Variants in SLC5A8 observed in about 807,000 individuals in gnomAD.
SLC5A8 encodes the protein sodium-coupled monocarboxylate transporter 1.
Under a neutral mutation model 71.9 loss-of-function variants are expected in SLC5A8, and 55 were observed. The ratio of observed to expected loss-of-function variants is 0.77; its 90% CI spans 0.62 to 0.96. The LOEUF is 0.96. Among genes scored for constraint, SLC5A8 ranks in the 40% least tolerant of loss-of-function variants. The probability of loss-of-function intolerance (pLI) is 0.00; values close to 1 mark genes in which losing one functional copy is unlikely to be tolerated. For missense variants in SLC5A8, 701 were observed against 745.3 expected (o/e 0.94, Z 0.69); for synonymous variants, 307 against 276.1 (o/e 1.11, Z -1.11).
chr12:101,162,381 C>A (rs950498877), intron 12 of SLC5A8, among the ~76,000 whole-genome samples: 1 of 152,180 alleles, frequency 6.6e-6, no homozygotes, highest in African/African-American at 2.4e-5. Context: ...ACCCAGCAAT[C>A]CCACTACTGG....
At chr12:101,182,571 T>C (rs1868413560) in intron 9 of SLC5A8, among the ~76,000 whole-genome samples, 1 of 152,220 alleles carries the variant, frequency 6.6e-6, no homozygotes, top group South Asian at 2.1e-4. Flanking sequence ...TCCTTTGTGG[T>C]TCACTGACAA....
In SLC5A8 at chr12:101,209,735, G is replaced by A. The variant is rs1405168621; in HGVS notation, c.114C>T (p.Gly38=). The A allele has an allele frequency of 2.5e-6, 4 of 1,612,582 alleles. No individual in the cohort carries two copies. Among genetic ancestry groups the A allele is most frequent in the East Asian group, 2.2e-5 (1 of 44,864 alleles). ...TCAGGAAGTCCTTGGAGGTCTGCTGGCCGCCCCCAGCGAAGGCGTAGTAGA... is the reference window on the plus strand; with the variant it reads ...TCAGGAAGTCCTTGGAGGTCTGCTGACCGCCCCCAGCGAAGGCGTAGTAGA... The part of the protein sequence containing the change: ...IGIYYAFAGG[G]QQTSKDFLMG... Residue 38 remains glycine (G), a synonymous_variant, in exon 1 of 15, where the codon GGC becomes GGT. Transcript: ENST00000536262.
chr12:101,161,916 G>A, intron 13 of SLC5A8, 58 bp downstream of exon 13: 1 of 1,176,406 alleles, frequency 8.5e-7, no homozygotes, highest in Non-Finnish European at 1.3e-6. Flanking sequence ...CTATAAAACA[G>A]ATACAGTAAA....
Position 101,209,642 on chromosome 12 carries a change from G to A in SLC5A8, c.207C>T (p.Val69=), listed in dbSNP as rs773772238. 6.2e-7 allele frequency: 1 copy of A among 1,614,016 alleles called. No homozygotes were observed. The highest frequency in any genetic ancestry group is 2.2e-5 in the East Asian group (1 of 44,862). Residue 69 remains valine, a synonymous_variant, in exon 1 of 15, where the codon GTC becomes GTT. Transcript: ENST00000536262. ...LSLTASFMSA[V]TVLGTPSEVY... ...CCTCGGAGGGGGTGCCCAGGACAGT[G>A]ACGGCTGACATGAAGCTAGCGGTGA...
Position 101,166,593 on chromosome 12 carries a change from T to G in SLC5A8, c.1427A>C (p.Asp476Ala). 2.5e-6 allele frequency: 4 copies of G among 1,614,036 alleles called. No homozygotes were observed. The highest frequency in any genetic ancestry group is 2.5e-6 in the Non-Finnish European group (3 of 1,179,952). ...LPERTLPLHL[D>A]IQGCNSTYNE... ...GTAGGTGCTGTTACAGCCTTGGATA[T>G]CAAGGTGCAATGGCAATGTTCTCTC... The change falls in exon 12 of 15, where the codon GAT becomes GCT. Residue 476 changes from aspartate to alanine, a missense_variant. Transcript: ENST00000536262.
intron 14 of SLC5A8, among the ~76,000 whole-genome samples, 177 bp from the exon 15 acceptor site, chr12:101,157,578 A>G (rs2051677394): frequency 6.6e-6 from 1 of 152,202 alleles, no homozygotes; most frequent in South Asian, 2.1e-4. Flanking sequence ...TTCAACAGAT[A>G]CAGGTTATCA....
At chr12:101,197,247 T>A (rs1224723057) in intron 3 of SLC5A8, among the ~76,000 whole-genome samples, 2 of 152,230 alleles carry the variant, frequency 1.3e-5, no homozygotes, top group Non-Finnish European at 2.9e-5. Context: ...GAAGTTTCTC[T>A]TTATAGCAGT....
At chr12:101,179,538 T>C (rs1428263814) in intron 10 of SLC5A8, among the ~76,000 whole-genome samples, 4 of 152,146 alleles carry the variant, frequency 2.6e-5, no homozygotes, top group African/African-American at 9.7e-5. Flanking sequence ...GTGAAAAAGG[T>C]TACATTCTAT....
chr12:101,160,171 G>C (rs918716970), intron 13 of SLC5A8, among the ~76,000 whole-genome samples: 1 of 152,108 alleles, frequency 6.6e-6, no homozygotes, highest in Non-Finnish European at 1.5e-5. Context: ...AAAAGAGCGA[G>C]ATTCCATCTC....
intron 10 of SLC5A8, among the ~76,000 whole-genome samples, chr12:101,170,975 T>C (rs2137130750): frequency 6.6e-6 from 1 of 152,338 alleles, no homozygotes; most frequent in East Asian, 1.9e-4. Flanking sequence ...CACCGTCTGA[T>C]GCTCATGCAT....
chr12:101,204,424 A>C, intron 2 of SLC5A8, 76 bp downstream of exon 2: 2 of 1,237,136 alleles, frequency 1.6e-6, no homozygotes, highest in Non-Finnish European at 2.3e-6. Context: ...TGTGATTCCC[A>C]GGTAAGCTTA....
intron 3 of SLC5A8, among the ~76,000 whole-genome samples, chr12:101,196,751 A>G (rs1593381563): frequency 6.6e-6 from 1 of 152,232 alleles, no homozygotes; most frequent in African/African-American, 2.4e-5. Flanking sequence ...AGGCCATTAT[A>G]TTATTCATTA....
At chr12:101,195,409 A>C (rs185985068) in intron 3 of SLC5A8, among the ~76,000 whole-genome samples, 261 of 152,292 alleles carry the variant, frequency 1.7e-3, no homozygotes, top group African/African-American at 5.5e-3. Context: ...ATACATGGAA[A>C]GGCGTTTATA....
rs1443621814 is a variant in SLC5A8, at chr12:101,209,618, C to T, written c.231G>A (p.Glu77=). 7 of 1,614,090 alleles carry T rather than the reference C, an allele frequency of 4.3e-6. No homozygotes were observed. Among genetic ancestry groups the T allele is most frequent in the Non-Finnish European group, 5.1e-6 (6 of 1,180,034 alleles). The change falls in exon 1 of 15, where the codon GAG becomes GAA. Residue 77 remains glutamate, a synonymous_variant. Transcript: ENST00000536262. ...SAVTVLGTPS[E]VYRFGAIFSI... is the part of the protein sequence containing the mutation. Reference sequence around the variant, plus strand: ...TAAAAATGGCCCCAAAACGGTAGACCTCGGAGGGGGTGCCCAGGACAGTGA... The same window carrying T: ...TAAAAATGGCCCCAAAACGGTAGACTTCGGAGGGGGTGCCCAGGACAGTGA...
intron 3 of SLC5A8, among the ~76,000 whole-genome samples, chr12:101,200,128 A>G (rs1869391218): frequency 6.6e-6 from 1 of 151,204 alleles, no homozygotes; most frequent in Non-Finnish European, 1.5e-5. Context: ...AAGAAACCAG[A>G]CATGAAAAGG....
chr12:101,183,138 C>A (rs564651546), intron 8 of SLC5A8, among the ~76,000 whole-genome samples: 2 of 148,920 alleles, frequency 1.3e-5, no homozygotes, highest in African/African-American at 5.0e-5. Flanking sequence ...CTCTGCCTCC[C>A]GGGTTCACGC....
At position 101,162,062 on chromosome 12, in the gene SLC5A8, A is replaced by G. The variant is rs1276116234; in HGVS notation, c.1542T>C (p.Asp514=). 2 of 1,613,382 alleles carry G rather than the reference A, an allele frequency of 1.2e-6. No individual in the cohort carries two copies. Among genetic ancestry groups the G allele is most frequent in the Non-Finnish European group, 1.7e-6 (2 of 1,179,590 alleles). ...IYNVQRTPLM[D]NWYSLSYLYF... The stretch of plus-strand genomic sequence containing the variant: ...ACAGATATGATAAAGAATACCAGTT[A>G]TCCATCAGTGGAGTCCTAAGAGAGC... Residue 514 remains aspartate (D), a synonymous_variant, in exon 13 of 15, where the codon GAT becomes GAC. Coordinates refer to ENST00000536262, the MANE Select transcript of SLC5A8 (RefSeq NM_145913.5).
chr12:101,167,405 A>G (rs1223822331), intron 11 of SLC5A8, among the ~76,000 whole-genome samples: 1 of 152,254 alleles, frequency 6.6e-6, no homozygotes. Flanking sequence ...TGGCTATTCT[A>G]TATCTGAAGC....
chr12:101,178,308 C>T (rs80352543), intron 10 of SLC5A8, among the ~76,000 whole-genome samples: 1,566 of 152,152 alleles, frequency 0.01, 10 homozygotes, highest in South Asian at 0.043. Flanking sequence ...TTATCCTAGA[C>T]TTCATATGGA....
Sources: gnomAD v4.1 joint callset for allele counts (sites outside exome capture counted in the v4.1 genomes callset) on GRCh38, gnomAD v4.1.1 for gene constraint, MANE v1.5 for transcripts, NCBI Gene and HGNC (gene_info 2026-07-23, HGNC 2026-07-21) for gene names.